Variants in ITFG1 observed in about 807,000 individuals in gnomAD.
The protein encoded by ITFG1 is T-cell immunomodulatory protein.
Under a neutral mutation model 81.8 loss-of-function variants are expected in ITFG1, and 34 were observed. That is an observed-to-expected ratio of 0.42 (90% CI 0.32 to 0.55). The LOEUF (loss-of-function observed/expected upper bound fraction) is 0.55. Among genes scored for constraint, ITFG1 ranks in the 20% least tolerant of loss-of-function variants. The probability of loss-of-function intolerance (pLI) is 0.17; values close to 1 mark genes in which losing one functional copy is unlikely to be tolerated. For synonymous variants in ITFG1, 285 were observed against 270.6 expected (o/e 1.05, Z -0.52); for missense variants, 672 against 755.4 (o/e 0.89, Z 1.29).
At chr16:47,307,505 C>G (rs1348936524) in intron 10 of ITFG1, among the ~76,000 whole-genome samples, 2 of 152,028 alleles carry the variant, frequency 1.3e-5, no homozygotes, top group Non-Finnish European at 2.9e-5. Context: ...ATTTTTTGAT[C>G]TTTACAAATT....
At chr16:47,404,371 T>G (rs1024696713) in intron 6 of ITFG1, among the ~76,000 whole-genome samples, 2 of 152,160 alleles carry the variant, frequency 1.3e-5, no homozygotes, top group African/African-American at 4.8e-5. Context: ...TTCTAAGAAA[T>G]TTAGTGAAAA....
At chr16:47,442,143 A>G (rs972881292) in intron 5 of ITFG1, among the ~76,000 whole-genome samples, 1 of 152,220 alleles carries the variant, frequency 6.6e-6, no homozygotes, top group Non-Finnish European at 1.5e-5. Flanking sequence ...GGACCTCTTC[A>G]AGGAGAACTA....
At chr16:47,224,532 A>G (rs1432983738) in intron 13 of ITFG1, among the ~76,000 whole-genome samples, 1 of 152,230 alleles carries the variant, frequency 6.6e-6, no homozygotes, top group Non-Finnish European at 1.5e-5. Flanking sequence ...AAGACTTTAC[A>G]GTATTAGTCT....
At chr16:47,292,722 A>G (rs1218423646) in intron 10 of ITFG1, among the ~76,000 whole-genome samples, 2 of 152,198 alleles carry the variant, frequency 1.3e-5, no homozygotes, top group African/African-American at 4.8e-5. Flanking sequence ...CATTCTGCAC[A>G]CTAGAAACTT....
intron 10 of ITFG1, among the ~76,000 whole-genome samples, chr16:47,267,946 TCAAA>T (rs1188086954): frequency 6.6e-6 from 1 of 151,686 alleles, no homozygotes; most frequent in East Asian, 1.9e-4. Context: ...AAGAAAAGTC[TCAAA>T]CAAATGACCT....
chr16:47,160,612 A>G (rs1342080630), intron 16 of ITFG1, among the ~76,000 whole-genome samples: 1 of 152,120 alleles, frequency 6.6e-6, no homozygotes, highest in Non-Finnish European at 1.5e-5. Context: ...CAGGACTATA[A>G]CTGTTTCAAT....
chr16:47,249,555 TA>T (rs1163985514), intron 12 of ITFG1, among the ~76,000 whole-genome samples: 1 of 152,158 alleles, frequency 6.6e-6, no homozygotes, highest in Non-Finnish European at 1.5e-5. Context: ...TTTTAAAGAT[TA>T]AAAAAATATG....
At chr16:47,389,450 A>C (rs1002039634) in intron 6 of ITFG1, among the ~76,000 whole-genome samples, 1 of 152,224 alleles carries the variant, frequency 6.6e-6, no homozygotes, top group African/African-American at 2.4e-5. Context: ...ATGGACCAAG[A>C]AAATGACACC....
intron 10 of ITFG1, among the ~76,000 whole-genome samples, chr16:47,293,581 G>T (rs1966940677): frequency 6.6e-6 from 1 of 151,982 alleles, no homozygotes. Context: ...TTGTGGTTTA[G>T]ATTTGCGTAT....
At chr16:47,445,456 T>A (rs192877200) in intron 5 of ITFG1, among the ~76,000 whole-genome samples, 1 of 152,156 alleles carries the variant, frequency 6.6e-6, no homozygotes, top group Admixed American at 6.5e-5. Context: ...ATTCTAGAAG[T>A]TGACATGCTT....
At chr16:47,333,480 T>C (rs909039333) in intron 8 of ITFG1, among the ~76,000 whole-genome samples, 7 of 152,336 alleles carry the variant, frequency 4.6e-5, no homozygotes, top group African/African-American at 1.7e-4. Context: ...TACTGGAGAA[T>C]ATGCCCTTAA....
At chr16:47,187,600 C>A (rs1244148003) in intron 14 of ITFG1, among the ~76,000 whole-genome samples, 1 of 151,894 alleles carries the variant, frequency 6.6e-6, no homozygotes, top group African/African-American at 2.4e-5. Flanking sequence ...ACACCTTATA[C>A]AAAAATCAAT....
At chr16:47,347,663 A>C (rs993662310) in intron 8 of ITFG1, among the ~76,000 whole-genome samples, 4 of 152,214 alleles carry the variant, frequency 2.6e-5, no homozygotes, top group African/African-American at 9.7e-5. Flanking sequence ...CTGCAGACTT[A>C]ACTGTTCCTG....
chr16:47,168,366 T>C (rs988159077), intron 14 of ITFG1, among the ~76,000 whole-genome samples: 4 of 152,204 alleles, frequency 2.6e-5, no homozygotes, highest in Non-Finnish European at 4.4e-5. Flanking sequence ...TTTCAGTTTG[T>C]TGAAAAGAAA....
chr16:47,185,366 C>A (rs1335450872), intron 14 of ITFG1, among the ~76,000 whole-genome samples: 2 of 152,098 alleles, frequency 1.3e-5, no homozygotes, highest in East Asian at 1.9e-4. Flanking sequence ...AAATTGACTA[C>A]ATACTTGGAA....
chr16:47,366,485 G>C (rs1028490817), intron 7 of ITFG1, among the ~76,000 whole-genome samples: 6 of 152,112 alleles, frequency 3.9e-5, no homozygotes, highest in Non-Finnish European at 8.8e-5. Context: ...AAGCTAAATA[G>C]AAAAGGAGAG....
chr16:47,230,149 T>C (rs760560756), intron 13 of ITFG1, among the ~76,000 whole-genome samples: 10 of 152,144 alleles, frequency 6.6e-5, no homozygotes, highest in Non-Finnish European at 1.2e-4. Flanking sequence ...GGGGGGACTA[T>C]TGTATATATA....
chr16:47,311,148 T>G, intron 10 of ITFG1, 92 bp downstream of exon 10: 1 of 799,706 alleles, frequency 1.3e-6, no homozygotes, highest in Non-Finnish European at 1.9e-6. Context: ...GATTATAACA[T>G]ATTTAGGTAC....
intron 10 of ITFG1, among the ~76,000 whole-genome samples, chr16:47,306,758 C>T (rs1967165793): frequency 6.6e-6 from 1 of 151,576 alleles, no homozygotes; most frequent in Admixed American, 6.6e-5. Flanking sequence ...TTCTTTGAAC[C>T]TCTACAATAC....
Sources: gnomAD v4.1 joint callset for allele counts (sites outside exome capture counted in the v4.1 genomes callset) on GRCh38, gnomAD v4.1.1 for gene constraint, MANE v1.5 for transcripts, NCBI Gene and HGNC (gene_info 2026-07-23, HGNC 2026-07-21) for gene names.